The following OR52N4 variants were observed in gnomAD, a reference collection of about 807,000 sequenced individuals.
OR52N4 encodes the protein olfactory receptor 52N4.
In OR52N4, 15 loss-of-function variants were observed where a neutral mutation model predicts 15.0. That is an observed-to-expected ratio of 1.00 (90% CI 0.67 to 1.54). The LOEUF is 1.54. Ranked by LOEUF, OR52N4 falls within the 40% of genes most tolerant of loss-of-function variation. The pLI is 0.00. For missense variants in OR52N4, 421 were observed against 394.0 expected, an observed-to-expected ratio of 1.07 and a Z score of -0.58; for synonymous variants, 143 against 143.7, an observed-to-expected ratio of 1.00 and a Z score of 0.03.
the OR52N4 span, among the ~76,000 whole-genome samples, chr11:5,748,347 T>G: frequency 6.6e-6 from 1 of 151,842 alleles, no homozygotes; most frequent in African/African-American, 2.4e-5. Flanking sequence ...CATATGTTAT[T>G]ATTTTTATTT....
the OR52N4 span, among the ~76,000 whole-genome samples, chr11:5,730,039 A>AT: frequency 0.085 from 12,858 of 151,912 alleles, 553 homozygotes; most frequent in African/African-American, 0.11. Flanking sequence ...AACCTTAGTG[A>AT]TTTTTTTTAA....
the OR52N4 span, among the ~76,000 whole-genome samples, chr11:5,747,077 CAAAAAAAAA>C: frequency 2.3e-3 from 129 of 57,270 alleles, no homozygotes; most frequent in Admixed American, 4.7e-3. Context: ...GTAAAAATAC[CAAAAAAAAA>C]AAAAAAAAAA....
the OR52N4 span, among the ~76,000 whole-genome samples, chr11:5,745,372 C>T: frequency 2.0e-5 from 3 of 151,974 alleles, no homozygotes; most frequent in Non-Finnish European, 4.4e-5. Flanking sequence ...AATCAAAGTA[C>T]AAAGATCAGT....
At chr11:5,730,236 G>A in the OR52N4 span, among the ~76,000 whole-genome samples, 1 of 143,640 alleles carries the variant, frequency 7.0e-6, no homozygotes, top group East Asian at 2.1e-4. Context: ...CTGGTGCCCA[G>A]GATGGAGTGC....
chr11:5,746,691 T>A, the OR52N4 span, among the ~76,000 whole-genome samples: 1 of 152,106 alleles, frequency 6.6e-6, no homozygotes, highest in African/African-American at 2.4e-5. Context: ...TTATATACTG[T>A]GAGCGGGAAT....
the OR52N4 span, among the ~76,000 whole-genome samples, chr11:5,728,722 G>A: frequency 6.6e-6 from 1 of 152,178 alleles, no homozygotes; most frequent in Non-Finnish European, 1.5e-5. Context: ...AGGAATATAA[G>A]TGTTTTATTG....
upstream of OR52N4, among the ~76,000 whole-genome samples, chr11:5,752,961 T>G (rs562560045): frequency 5.3e-5 from 8 of 152,338 alleles, no homozygotes; most frequent in South Asian, 1.7e-3. Flanking sequence ...GTCTATATTA[T>G]GCATATAGTC....
the OR52N4 span, chr11:5,727,564 T>C: frequency 6.6e-6 from 1 of 152,172 alleles, no homozygotes; most frequent in African/African-American, 2.4e-5. Context: ...AGGGGGATAA[T>C]GTCTTCTGCA....
Position 5,755,656 on chromosome 11 carries a change from G to A in OR52N4, c.916G>A (p.Val306Ile). Residue 306 changes from valine to isoleucine, a missense_variant, in exon 2 of 2, where the codon GTC becomes ATC. Physicochemically the swap from Val to Ile is conservative, Grantham distance 29. Coordinates refer to ENST00000641350, the MANE Select transcript of OR52N4 (RefSeq NM_001005175.5). ...GVKTKQIRDC[V>I]IRILSGSKDT... Reference sequence around the variant, plus strand: ...GAAAACCAAACAGATACGAGACTGTGTCATAAGGATCCTTTCAGGTTCTAA... The same window carrying A: ...GAAAACCAAACAGATACGAGACTGTATCATAAGGATCCTTTCAGGTTCTAA... 1 of 1,613,704 alleles carries A rather than the reference G, an allele frequency of 6.2e-7. No homozygotes were observed. Among genetic ancestry groups the A allele is most frequent in the South Asian group, 1.1e-5 (1 of 91,086 alleles).
At chr11:5,732,036 G>A in the OR52N4 span, among the ~76,000 whole-genome samples, 1 of 151,826 alleles carries the variant, frequency 6.6e-6, no homozygotes, top group Non-Finnish European at 1.5e-5. Flanking sequence ...TTTTTTTGCA[G>A]TAAGAACATT....
Position 5,754,640 on chromosome 11 carries a change from G to A in OR52N4, c.-48-53G>A, listed in dbSNP as rs527911027. ...TGGAATTTTTAAAAGTTGGGGGAGA[G>A]GGAGACAGTAAAAATAACCTATATT... On this transcript the variant is annotated intron_variant, in intron 1 of 1. Transcript: ENST00000641350. 4.9e-5 allele frequency: 62 copies of A among 1,272,374 alleles called. No individual in the cohort carries two copies. The South Asian group carries it at 9.6e-4, about 20-fold the overall frequency. 78.8% of individuals were successfully genotyped at this position (1,272,374 alleles called of 1,614,324 possible).
chr11:5,737,046 A>C, the OR52N4 span: 2 of 1,614,084 alleles, frequency 1.2e-6, no homozygotes, highest in South Asian at 2.2e-5. Context: ...CAGCGTGATT[A>C]TTGCTCCAAG....
chr11:5,731,943 G>A, the OR52N4 span, among the ~76,000 whole-genome samples: 17 of 152,196 alleles, frequency 1.1e-4, no homozygotes, highest in East Asian at 3.3e-3. Flanking sequence ...TATAAGGGAT[G>A]CAATGTGATA....
chr11:5,736,436 C>T, the OR52N4 span: 1 of 1,214,062 alleles, frequency 8.2e-7, no homozygotes, highest in Non-Finnish European at 1.2e-6. Flanking sequence ...TAGAAAAATA[C>T]TACAATTTTA....
chr11:5,754,963 A>G lies in OR52N4; in HGVS notation c.223A>G (p.Met75Val), dbSNP rs1854268858. 6.2e-7 allele frequency: 1 copy of G among 1,613,698 alleles called. No individual in the cohort carries two copies. Among genetic ancestry groups the G allele is most frequent in the South Asian group, 1.1e-5 (1 of 91,086 alleles). Reference protein sequence around the residue: ...LAMLSFTDLVMCSSTIPKALC... With the variant: ...LAMLSFTDLVVCSSTIPKALC... Reference sequence around the variant, plus strand: ...CATGCTTTCCTTTACTGACCTTGTTATGTGCTCTAGTACAATCCCTAAAGC... The same window carrying G: ...CATGCTTTCCTTTACTGACCTTGTTGTGTGCTCTAGTACAATCCCTAAAGC... The change falls in exon 2 of 2, where the codon ATG becomes GTG. Residue 75 changes from methionine to valine, a missense_variant. Coordinates refer to ENST00000641350, the MANE Select transcript of OR52N4 (RefSeq NM_001005175.5).
At position 5,755,023 on chromosome 11, in the gene OR52N4, G is replaced by A. The variant is rs146030201; in HGVS notation, c.283G>A (p.Gly95Arg). The A allele has an allele frequency of 3.8e-5, 61 of 1,613,928 alleles. No individual in the cohort carries two copies. In the East Asian group the frequency reaches 9.6e-4, roughly 25 times the overall value. ...CTTCTGGTTTCATCTCAAGGACATT[G>A]GATTTGATGAATGCCTTGTCCAGAT... ...CIFWFHLKDI[G>R]FDECLVQMFF... The change falls in exon 2 of 2, where the codon GGA becomes AGA. Residue 95 changes from glycine to arginine, a missense_variant. Gly to Arg is a moderately radical substitution (Grantham distance 125). Coordinates refer to ENST00000641350, the MANE Select transcript of OR52N4 (RefSeq NM_001005175.5).
the OR52N4 span, among the ~76,000 whole-genome samples, chr11:5,742,454 A>C: frequency 8.5e-5 from 13 of 152,200 alleles, no homozygotes. Context: ...GAAGGAAAAG[A>C]TCCTGAAAGC....
At chr11:5,740,797 A>G in the OR52N4 span, among the ~76,000 whole-genome samples, 108,987 of 123,098 alleles carry the variant, frequency 0.89, 51,262 homozygotes, top group Non-Finnish European at 0.94. Context: ...AGCGTACAGT[A>G]AGCCAAGATG....
chr11:5,749,009 C>T, the OR52N4 span, among the ~76,000 whole-genome samples: 1 of 151,988 alleles, frequency 6.6e-6, no homozygotes, highest in Non-Finnish European at 1.5e-5. Context: ...ACATCTGTGT[C>T]TCTGAGATTC....
Sources: gnomAD v4.1 joint callset for allele counts (sites outside exome capture counted in the v4.1 genomes callset) on GRCh38, gnomAD v4.1.1 for gene constraint, MANE v1.5 for transcripts, NCBI Gene and HGNC (gene_info 2026-07-23, HGNC 2026-07-21) for gene names.